ESR1: variants seen among roughly 807,000 people sequenced by gnomAD.
ESR1 encodes estrogen receptor 1.
ESR1 carries 12 observed loss-of-function variants against 52.7 expected under a neutral mutation model. The observed-to-expected ratio is 0.23, with a 90% CI of 0.15 to 0.37. ESR1 has a LOEUF of 0.37. ESR1 is among the 10% of genes least tolerant of loss of function. The pLI is 1.00. For missense variants in ESR1, 584 were observed against 779.7 expected (o/e 0.75, Z 2.99); for synonymous variants, 305 against 316.8 (o/e 0.96, Z 0.39).
chr6:151,962,340 A>AT (rs1403873943), intron 4 of ESR1, among the ~76,000 whole-genome samples: 1 of 152,074 alleles, frequency 6.6e-6, no homozygotes, highest in Non-Finnish European at 1.5e-5. Flanking sequence ...TACCTAAGCC[A>AT]TCATAGTTCT....
chr6:151,998,725 G>C (rs760101269), intron 4 of ESR1, among the ~76,000 whole-genome samples: 1 of 152,074 alleles, frequency 6.6e-6, no homozygotes, highest in Non-Finnish European at 1.5e-5. Context: ...ATTCTCATAT[G>C]TTTGGTTACC....
At chr6:152,003,886 A>G (rs543009000) in intron 4 of ESR1, among the ~76,000 whole-genome samples, 1 of 152,042 alleles carries the variant, frequency 6.6e-6, no homozygotes, top group Non-Finnish European at 1.5e-5. Flanking sequence ...AAAAATATAC[A>G]TATTTAGCCA....
chr6:151,778,837 A>C (rs1309565537), intron 2 of ESR1, among the ~76,000 whole-genome samples: 2 of 152,162 alleles, frequency 1.3e-5, no homozygotes, highest in Non-Finnish European at 2.9e-5. Context: ...TTTTTTGCCA[A>C]AAAATTTGTT....
At chr6:151,701,708 G>A (rs577234723) in intron 1 of ESR1, among the ~76,000 whole-genome samples, 23 of 152,214 alleles carry the variant, frequency 1.5e-4, no homozygotes, top group Non-Finnish European at 3.4e-4. Flanking sequence ...AATTTGATCT[G>A]AACAGGTAAG....
At chr6:151,788,460 T>C (rs1787225542) in intron 2 of ESR1, among the ~76,000 whole-genome samples, 1 of 151,184 alleles carries the variant, frequency 6.6e-6, no homozygotes, top group Non-Finnish European at 1.5e-5. Context: ...TAATAGATGC[T>C]GGTGAAGTTG....
upstream of ESR1, among the ~76,000 whole-genome samples, chr6:151,802,222 A>G (rs1777321749): frequency 6.6e-6 from 1 of 152,322 alleles, no homozygotes; most frequent in South Asian, 2.1e-4. Context: ...CCCTTAAAAT[A>G]AGTGACCAAA....
At chr6:151,883,557 C>A (rs1474660882) in intron 3 of ESR1, among the ~76,000 whole-genome samples, 1 of 151,946 alleles carries the variant, frequency 6.6e-6, no homozygotes, top group East Asian at 1.9e-4. Flanking sequence ...TAGGAGTCCA[C>A]CCTTATGACC....
Position 152,113,344 on chromosome 6 carries a change from G to A in ESR1, c.851-11922G>A, listed in dbSNP as rs60891804. On this transcript the variant is annotated intron_variant, in intron 6 of 6. Coordinates refer to the ESR1 transcript ENST00000427531. ...CACAGGTACCCTCCTGATGAAAGGA[G>A]TAAGAGTCCCTGACAGGTGGTCCTC... 6.0e-3 allele frequency among the ~76,000 whole-genome samples: 909 copies of A among 152,348 alleles called. 9 individuals are homozygous for A. The highest frequency in any genetic ancestry group is 0.021 in the African/African-American group (863 of 41,570).
At chr6:151,882,848 A>G (rs1793175736) in intron 3 of ESR1, among the ~76,000 whole-genome samples, 2 of 152,164 alleles carry the variant, frequency 1.3e-5, no homozygotes, top group Non-Finnish European at 2.9e-5. Context: ...ACAAAAATTC[A>G]TATATGCAAA....
chr6:151,669,364 C>G (rs911050694), intron 1 of ESR1, among the ~76,000 whole-genome samples: 15 of 151,910 alleles, frequency 9.9e-5, no homozygotes, highest in Non-Finnish European at 1.8e-4. Context: ...TATTCAATAA[C>G]AAGCCTACAG....
intron 1 of ESR1, among the ~76,000 whole-genome samples, chr6:151,810,307 G>A (rs758222392): frequency 6.6e-6 from 1 of 151,918 alleles, no homozygotes. Context: ...TGCACAAATG[G>A]GACTCTGTGT....
intron 2 of ESR1, among the ~76,000 whole-genome samples, chr6:151,783,921 C>A (rs984818816): frequency 6.6e-6 from 1 of 152,184 alleles, no homozygotes; most frequent in Non-Finnish European, 1.5e-5. Context: ...TGTACCTCAA[C>A]TGAGATTTGT....
chr6:151,956,718 G>A (rs2036954338), intron 4 of ESR1, among the ~76,000 whole-genome samples: 1 of 150,700 alleles, frequency 6.6e-6, no homozygotes, highest in Non-Finnish European at 1.5e-5. Flanking sequence ...ATCATTATTT[G>A]ACTTTCTTTT....
At chr6:151,940,522 G>A (rs2034927689) in intron 3 of ESR1, among the ~76,000 whole-genome samples, 1 of 152,160 alleles carries the variant, frequency 6.6e-6, no homozygotes, top group Admixed American at 6.5e-5. Context: ...ACAGTTGTGA[G>A]ACGTAAATGG....
rs1584290835 is a variant in ESR1 at position 151,929,980 on chromosome 6, A to G, written c.761-14193A>G. On this transcript the variant is annotated intron_variant, in intron 3 of 7. Coordinates refer to ENST00000206249, the MANE Select transcript of ESR1 (RefSeq NM_000125.4). ...TATCTTTTCTCTTAGAGTATTAACT[A>G]TACTTCTTTTTTTTTTTTTTGAGAC... is the stretch of plus-strand genomic sequence containing the variant. Among the ~76,000 whole-genome samples, 2 of 150,118 alleles carry G rather than the reference A, an allele frequency of 1.3e-5. 1 individual carries two copies. The highest frequency in any genetic ancestry group is 4.2e-4 in the South Asian group (2 of 4,782).
intron 5 of ESR1, 152 bp downstream of exon 5, chr6:152,011,946 A>G (rs2042798439): frequency 1.3e-6 from 1 of 784,490 alleles, no homozygotes; most frequent in Non-Finnish European, 2.0e-6. Context: ...GATGAAGCCT[A>G]GTCAAATTCA....
intron 2 of ESR1, among the ~76,000 whole-genome samples, chr6:151,719,708 G>A (rs1486068593): frequency 4.6e-5 from 7 of 152,114 alleles, no homozygotes; most frequent in African/African-American, 1.7e-4. Context: ...AAACTTAATT[G>A]GCGAGCAGAT....
chr6:152,055,483 A>T (rs1475645510), intron 5 of ESR1, among the ~76,000 whole-genome samples: 2 of 152,210 alleles, frequency 1.3e-5, no homozygotes, highest in Non-Finnish European at 2.9e-5. Flanking sequence ...CATAAGACTG[A>T]GTTACTTTGT....
At chr6:151,772,288 G>A (rs1785588201) in intron 2 of ESR1, among the ~76,000 whole-genome samples, 1 of 152,186 alleles carries the variant, frequency 6.6e-6, no homozygotes, top group Non-Finnish European at 1.5e-5. Flanking sequence ...TCATGCAAGA[G>A]TGGCCCTTCC....
Sources: gnomAD v4.1 joint callset for allele counts (sites outside exome capture counted in the v4.1 genomes callset) on GRCh38, gnomAD v4.1.1 for gene constraint, MANE v1.5 for transcripts, NCBI Gene and HGNC (gene_info 2026-07-23, HGNC 2026-07-21) for gene names.